The following CSTPP1 variants were observed in gnomAD, a reference collection of about 807,000 sequenced individuals.
The protein encoded by CSTPP1 is UPF0705 protein C11orf49.
At chr11:47,034,307 T>C in the CSTPP1 span, among the ~76,000 whole-genome samples, 1 of 152,060 alleles carries the variant, frequency 6.6e-6, no homozygotes, top group Admixed American at 6.6e-5. Flanking sequence ...GCTTTATAGA[T>C]AAGGGCAGTC....
chr11:47,036,830 A>C, the CSTPP1 span, among the ~76,000 whole-genome samples: 2 of 127,124 alleles, frequency 1.6e-5, no homozygotes, highest in Admixed American at 1.7e-4. Flanking sequence ...GGCGAGTGCC[A>C]CCACGCCCAG....
the CSTPP1 span, among the ~76,000 whole-genome samples, chr11:47,043,895 C>T: frequency 6.6e-6 from 1 of 152,118 alleles, no homozygotes; most frequent in Admixed American, 6.6e-5. Flanking sequence ...TTGGGAGGCA[C>T]TTATTATCTT....
chr11:47,057,282 T>C, the CSTPP1 span, among the ~76,000 whole-genome samples: 1 of 152,334 alleles, frequency 6.6e-6, no homozygotes, highest in Non-Finnish European at 1.5e-5. Context: ...CTGGCAAAGA[T>C]TGATATTCTC....
chr11:46,957,533 C>A, the CSTPP1 span, among the ~76,000 whole-genome samples: 1 of 152,170 alleles, frequency 6.6e-6, no homozygotes. Flanking sequence ...TCTCCCCTAT[C>A]TTTTAGCTTT....
chr11:47,030,357 G>T, the CSTPP1 span, among the ~76,000 whole-genome samples: 1 of 152,178 alleles, frequency 6.6e-6, no homozygotes, highest in Admixed American at 6.5e-5. Context: ...AGGACATAGA[G>T]TGCTGTTGGA....
chr11:46,975,271 T>C, the CSTPP1 span, among the ~76,000 whole-genome samples: 1 of 152,090 alleles, frequency 6.6e-6, no homozygotes, highest in Non-Finnish European at 1.5e-5. Context: ...AGCATGACCC[T>C]CTCTCAAAAA....
the CSTPP1 span, among the ~76,000 whole-genome samples, chr11:47,106,342 G>A: frequency 6.6e-6 from 1 of 152,168 alleles, no homozygotes; most frequent in South Asian, 2.1e-4. Flanking sequence ...TCTAGTGAAA[G>A]GATGAAAGTG....
chr11:47,043,630 A>T, the CSTPP1 span, among the ~76,000 whole-genome samples: 13 of 152,348 alleles, frequency 8.5e-5, no homozygotes, highest in African/African-American at 3.1e-4. Context: ...GATGTTGAGA[A>T]AGATAGTCAA....
At chr11:47,086,236 A>C in the CSTPP1 span, among the ~76,000 whole-genome samples, 8 of 130,870 alleles carry the variant, frequency 6.1e-5, 2 homozygotes, top group Non-Finnish European at 1.1e-4. Flanking sequence ...TAAAAATCCA[A>C]AAAAAAAAAA....
chr11:46,945,092 G>T, the CSTPP1 span, among the ~76,000 whole-genome samples: 6 of 152,146 alleles, frequency 3.9e-5, no homozygotes, highest in East Asian at 9.7e-4. Context: ...TCTATTTTTT[G>T]ATTTTGAATG....
At chr11:47,031,265 G>A in the CSTPP1 span, among the ~76,000 whole-genome samples, 16 of 152,268 alleles carry the variant, frequency 1.1e-4, no homozygotes, top group South Asian at 8.3e-4. Context: ...TGCAAACAGC[G>A]TTTGTTACTA....
the CSTPP1 span, among the ~76,000 whole-genome samples, chr11:47,051,444 G>A: frequency 6.6e-6 from 1 of 152,026 alleles, no homozygotes; most frequent in Non-Finnish European, 1.5e-5. Context: ...ACTCACTTGG[G>A]CCCTGGGGCT....
the CSTPP1 span, among the ~76,000 whole-genome samples, chr11:46,978,538 A>G: frequency 6.6e-6 from 1 of 152,198 alleles, no homozygotes; most frequent in African/African-American, 2.4e-5. Context: ...TTCTGTGTAG[A>G]CTAAACTGGG....
chr11:46,997,614 C>T, the CSTPP1 span, among the ~76,000 whole-genome samples: 2 of 152,188 alleles, frequency 1.3e-5, no homozygotes, highest in African/African-American at 4.8e-5. Flanking sequence ...CGAGGATCTG[C>T]GTTTCTTTGG....
chr11:47,027,561 G>A, the CSTPP1 span, among the ~76,000 whole-genome samples: 181 of 152,318 alleles, frequency 1.2e-3, no homozygotes, highest in South Asian at 6.8e-3. Context: ...TTGGTGAAGT[G>A]ATCAAGGAAA....
chr11:47,106,080 C>G, the CSTPP1 span, among the ~76,000 whole-genome samples: 5 of 152,122 alleles, frequency 3.3e-5, no homozygotes, highest in Non-Finnish European at 5.9e-5. Flanking sequence ...ATTTATCCAC[C>G]TTGTCACACT....
the CSTPP1 span, among the ~76,000 whole-genome samples, chr11:47,090,778 G>T: frequency 6.6e-6 from 1 of 152,026 alleles, no homozygotes; most frequent in Non-Finnish European, 1.5e-5. Flanking sequence ...GGAGGCTCAC[G>T]CCTGTAATCC....
chr11:47,052,331 T>G, the CSTPP1 span: 1 of 1,551,260 alleles, frequency 6.4e-7, no homozygotes. Flanking sequence ...TTTTTCATTC[T>G]GATTCCAGCC....
At chr11:47,076,962 GGAAA>G in the CSTPP1 span, among the ~76,000 whole-genome samples, 1 of 13,530 alleles carries the variant, frequency 7.4e-5, no homozygotes, top group Non-Finnish European at 2.8e-4. Flanking sequence ...GAAAACAGGA[GGAAA>G]AAAAAAAAAA....
Sources: gnomAD v4.1 joint callset for allele counts (sites outside exome capture counted in the v4.1 genomes callset) on GRCh38, gnomAD v4.1.1 for gene constraint, MANE v1.5 for transcripts, NCBI Gene and HGNC (gene_info 2026-07-23, HGNC 2026-07-21) for gene names.